AGMO: variants seen among roughly 807,000 people sequenced by gnomAD.
The protein encoded by AGMO is glyceryl-ether monooxygenase.
In AGMO, 75 loss-of-function variants were observed where a neutral mutation model predicts 60.2. The observed-to-expected ratio is 1.25, with a 90% CI of 1.03 to 1.51. AGMO has a LOEUF of 1.51. Among genes scored for constraint, AGMO ranks in the 40% most tolerant of loss-of-function variants. The probability of loss-of-function intolerance (pLI) is 0.00; values close to 1 mark genes in which losing one functional copy is unlikely to be tolerated. For missense variants in AGMO, 763 were observed against 525.5 expected (o/e 1.45, Z -4.42); for synonymous variants, 261 against 177.1 (o/e 1.47, Z -3.76).
At chr7:15,388,257 C>T (rs755916470) in intron 8 of AGMO, among the ~76,000 whole-genome samples, 5 of 152,014 alleles carry the variant, frequency 3.3e-5, no homozygotes, top group Admixed American at 6.6e-5. Flanking sequence ...CCTAGTGTTC[C>T]ATTATTGGAA....
chr7:15,346,332 T>C (rs1208752677), intron 12 of AGMO, among the ~76,000 whole-genome samples: 1 of 152,112 alleles, frequency 6.6e-6, no homozygotes, highest in Non-Finnish European at 1.5e-5. Context: ...CAGCATTATT[T>C]GGTCTAGTCC....
chr7:15,241,519 T>C (rs1165560740), intron 12 of AGMO, among the ~76,000 whole-genome samples: 1 of 147,206 alleles, frequency 6.8e-6, no homozygotes, highest in Non-Finnish European at 1.5e-5. Context: ...AGACAGTCCT[T>C]AGGAAATAAT....
At chr7:15,332,676 G>A (rs566858922) in intron 12 of AGMO, among the ~76,000 whole-genome samples, 1 of 152,000 alleles carries the variant, frequency 6.6e-6, no homozygotes, top group Non-Finnish European at 1.5e-5. Flanking sequence ...ATGAGATAAA[G>A]TAAATGAAGC....
At chr7:15,258,563 AAT>A (rs1199732780) in intron 12 of AGMO, among the ~76,000 whole-genome samples, 1 of 152,034 alleles carries the variant, frequency 6.6e-6, no homozygotes, top group Non-Finnish European at 1.5e-5. Flanking sequence ...AAAAATAAAA[AAT>A]AAAATAAAAA....
chr7:15,181,101 T>C, the AGMO span, among the ~76,000 whole-genome samples: 2 of 152,188 alleles, frequency 1.3e-5, no homozygotes, highest in Non-Finnish European at 2.9e-5. Context: ...TCTTAAAGGT[T>C]CCACCTCTTA....
In AGMO at chr7:15,292,893, G is replaced by T. The variant is rs371475031; in HGVS notation, c.1263+72621C>A. On this transcript the variant is annotated intron_variant, in intron 12 of 12. Transcript: ENST00000342526. ...CTGCCTCAACCTACCGAGTAGCTGG[G>T]ATTACAAGCACCCGCCACCAAATCC... 3.0e-4 allele frequency among the ~76,000 whole-genome samples: 46 copies of T among 151,492 alleles called. No individual in the cohort carries two copies. The East Asian group carries it at 6.2e-3, about 21-fold the overall frequency.
At chr7:15,389,247 C>A (rs1198464108) in intron 8 of AGMO, among the ~76,000 whole-genome samples, 1 of 152,112 alleles carries the variant, frequency 6.6e-6, no homozygotes, top group Non-Finnish European at 1.5e-5. Flanking sequence ...GTAGGATTCT[C>A]TGATTCACAT....
At position 15,560,172 on chromosome 7, in the gene AGMO, T is replaced by C. The variant is rs774415548; in HGVS notation, c.226A>G (p.Ile76Val). Residue 76 changes from isoleucine to valine, a missense_variant, in exon 2 of 13, where the codon ATC becomes GTC. By Grantham distance (29) the Ile-to-Val change is conservative (BLOSUM62 3). Transcript: ENST00000342526. Reference protein sequence around the residue: ...PGRLDDALTSISAGVLSRLPS... With the variant: ...PGRLDDALTSVSAGVLSRLPS... Reference sequence around the variant, plus strand: ...AGTCGAGACAGAACACCAGCTGAGATTGACGTTAAAGCATCATCCAGGCGA... The same window carrying C: ...AGTCGAGACAGAACACCAGCTGAGACTGACGTTAAAGCATCATCCAGGCGA... 22 of 1,612,814 alleles carry C rather than the reference T, an allele frequency of 1.4e-5. No homozygotes were observed. Among genetic ancestry groups the C allele is most frequent in the Admixed American group, 8.3e-5 (5 of 59,932 alleles).
intron 12 of AGMO, among the ~76,000 whole-genome samples, chr7:15,348,268 G>A (rs918927255): frequency 4.6e-5 from 7 of 151,932 alleles, no homozygotes; most frequent in African/African-American, 9.7e-5. Context: ...TCTGTCTTGG[G>A]AGAAACCCTC....
At chr7:15,409,982 C>A (rs2128492109) in intron 5 of AGMO, among the ~76,000 whole-genome samples, 1 of 151,184 alleles carries the variant, frequency 6.6e-6, no homozygotes. Flanking sequence ...ACTGGATAGG[C>A]TCACAATAAA....
chr7:15,249,728 G>A (rs1188635989), intron 12 of AGMO, among the ~76,000 whole-genome samples: 1 of 152,160 alleles, frequency 6.6e-6, no homozygotes, highest in Admixed American at 6.5e-5. Context: ...TTTGAAAGAT[G>A]AGGTACATCT....
intron 11 of AGMO, 57 bp downstream of exon 11, chr7:15,366,081 CTG>C (rs1782964915): frequency 2.3e-6 from 3 of 1,308,644 alleles, no homozygotes; most frequent in Admixed American, 2.0e-5. Context: ...TTTTACCACT[CTG>C]TGGAAAATTC....
the AGMO span, among the ~76,000 whole-genome samples, chr7:15,157,347 A>G: frequency 1.3e-5 from 2 of 152,338 alleles, no homozygotes; most frequent in Non-Finnish European, 1.5e-5. Context: ...GGGAGTTAAC[A>G]CAACTGTGAT....
chr7:15,120,661 C>T, the AGMO span, among the ~76,000 whole-genome samples: 1 of 152,238 alleles, frequency 6.6e-6, no homozygotes, highest in South Asian at 2.1e-4. Flanking sequence ...TTGGACTCCC[C>T]ACCCTCCAGA....
Position 15,246,932 on chromosome 7 carries a change from A to G in AGMO, c.1264-45573T>C, listed in dbSNP as rs537528402. On this transcript the variant is annotated intron_variant, in intron 12 of 12. Transcript: ENST00000342526. ...ATCATTCCTTCCCGCTCAGCCCCCA[A>G]GTAGCTGGGATTACAGGCATGCACC... 4.6e-5 allele frequency among the ~76,000 whole-genome samples: 7 copies of G among 152,168 alleles called. No homozygotes were observed. The South Asian group carries it at 1.2e-3, about 27-fold the overall frequency.
At chr7:15,245,218 GA>G (rs1563052412) in intron 12 of AGMO, among the ~76,000 whole-genome samples, 1 of 152,040 alleles carries the variant, frequency 6.6e-6, no homozygotes, top group Non-Finnish European at 1.5e-5. Context: ...TACAATGAAA[GA>G]TGTCCTCTGC....
intron 5 of AGMO, among the ~76,000 whole-genome samples, chr7:15,407,232 C>G (rs75896281): frequency 7.6e-6 from 1 of 132,162 alleles, no homozygotes; most frequent in African/African-American, 2.7e-5. Context: ...CTTTGGAATA[C>G]ATATATATAT....
chr7:15,152,649 C>T, the AGMO span, among the ~76,000 whole-genome samples: 1 of 152,144 alleles, frequency 6.6e-6, no homozygotes, highest in Non-Finnish European at 1.5e-5. Flanking sequence ...CCAATTTCAT[C>T]CAGGTTGCTG....
chr7:15,181,715 T>C, the AGMO span, among the ~76,000 whole-genome samples: 2 of 152,162 alleles, frequency 1.3e-5, no homozygotes, highest in Non-Finnish European at 2.9e-5. Flanking sequence ...GGAAATATTA[T>C]TTTTGATGGT....
Sources: allele counts gnomAD v4.1 joint callset (sites outside exome capture counted in the v4.1 genomes callset), GRCh38; gene constraint gnomAD v4.1.1; transcripts MANE v1.5; gene names NCBI Gene and HGNC (gene_info 2026-07-23, HGNC 2026-07-21).